Variants in BTRC observed in about 807,000 individuals in gnomAD.
BTRC encodes the protein F-box/WD repeat-containing protein 1A.
Under a neutral mutation model 85.5 loss-of-function variants are expected in BTRC, and 42 were observed. The ratio of observed to expected loss-of-function variants is 0.49; its 90% CI spans 0.38 to 0.64. BTRC has a LOEUF of 0.64. BTRC is among the 30% of genes least tolerant of loss of function. The pLI, the probability that BTRC is intolerant of heterozygous loss-of-function variation, is 0.00. For missense variants in BTRC, 594 were observed against 743.5 expected, an observed-to-expected ratio of 0.80 and a Z score of 2.34; for synonymous variants, 255 against 263.3, an observed-to-expected ratio of 0.97 and a Z score of 0.30.
At chr10:101,463,135 T>C (rs889051955) in intron 3 of BTRC, among the ~76,000 whole-genome samples, 3 of 151,512 alleles carry the variant, frequency 2.0e-5, no homozygotes, top group African/African-American at 7.3e-5. Context: ...AACCTCCACC[T>C]CCAGGGTTCA....
At chr10:101,374,790 A>T (rs76824364) in intron 1 of BTRC, among the ~76,000 whole-genome samples, 10,844 of 133,074 alleles carry the variant, frequency 0.081, 413 homozygotes, top group African/African-American at 0.092. Flanking sequence ...AATAAATAAA[A>T]AAAAAAAAAA....
At chr10:101,386,555 T>G (rs1456643455) in intron 1 of BTRC, among the ~76,000 whole-genome samples, 1 of 152,230 alleles carries the variant, frequency 6.6e-6, no homozygotes, top group Non-Finnish European at 1.5e-5. Context: ...TCTTATGTTA[T>G]CCCACATGCT....
chr10:101,527,117 A>G (rs1161903117), intron 6 of BTRC, among the ~76,000 whole-genome samples: 1 of 152,258 alleles, frequency 6.6e-6, no homozygotes, highest in Non-Finnish European at 1.5e-5. Flanking sequence ...AGAAAAAATT[A>G]TAATAGGCAT....
At chr10:101,434,967 A>G (rs1396399572) in intron 2 of BTRC, among the ~76,000 whole-genome samples, 1 of 152,028 alleles carries the variant, frequency 6.6e-6, no homozygotes. Flanking sequence ...TTATGTAGCA[A>G]AAATGGGCTT....
chr10:101,545,963 A>G (rs2062551832), intron 13 of BTRC, among the ~76,000 whole-genome samples: 1 of 152,244 alleles, frequency 6.6e-6, no homozygotes, highest in South Asian at 2.1e-4. Flanking sequence ...CAGAGCATCA[A>G]AACATATGAG....
Position 101,505,655 on chromosome 10 carries a change from C to A in BTRC, c.325-15984C>A, listed in dbSNP as rs915260413. 1.9e-3 allele frequency among the ~76,000 whole-genome samples: 283 copies of A among 150,616 alleles called. 2 individuals carry two copies. Among genetic ancestry groups the A allele is most frequent in the African/African-American group, 6.0e-3 (247 of 41,128 alleles). Reference sequence around the variant, plus strand: ...AAAAAAAAAAATAATAATAAAAAAACAAATATACCCACCAAAATGTGAACA... The same window carrying A: ...AAAAAAAAAAATAATAATAAAAAAAAAAATATACCCACCAAAATGTGAACA... On this transcript the variant is annotated intron_variant, in intron 4 of 14. Transcript: ENST00000370187.
chr10:101,398,957 G>GT (rs1003612592), intron 1 of BTRC, among the ~76,000 whole-genome samples: 2 of 151,472 alleles, frequency 1.3e-5, no homozygotes, highest in African/African-American at 2.4e-5. Context: ...AACCTTTTTT[G>GT]TTTTTTTTCT....
chr10:101,413,714 A>G (rs1158199406), intron 1 of BTRC, among the ~76,000 whole-genome samples: 3 of 152,244 alleles, frequency 2.0e-5, no homozygotes, highest in Non-Finnish European at 4.4e-5. Flanking sequence ...GAGATATTTC[A>G]CAAAATTGAA....
At chr10:101,550,050 A>G (rs1241998004) in intron 13 of BTRC, among the ~76,000 whole-genome samples, 1 of 152,178 alleles carries the variant, frequency 6.6e-6, no homozygotes, top group Non-Finnish European at 1.5e-5. Flanking sequence ...ATTGCTCACC[A>G]ATCCTTGACC....
intron 2 of BTRC, among the ~76,000 whole-genome samples, chr10:101,460,482 G>A (rs1441167559): frequency 6.6e-6 from 1 of 152,068 alleles, no homozygotes; most frequent in Non-Finnish European, 1.5e-5. Context: ...TTGTAATATA[G>A]CATGCTTTTT....
At chr10:101,529,555 A>G (rs75919232) in intron 6 of BTRC, among the ~76,000 whole-genome samples, 10,145 of 152,288 alleles carry the variant, frequency 0.067, 353 homozygotes, top group Non-Finnish European at 0.074. Context: ...TATTGTACAG[A>G]GAAATGTACC....
intron 1 of BTRC, among the ~76,000 whole-genome samples, chr10:101,404,028 A>ATT (rs1176999196): frequency 0.013 from 391 of 31,072 alleles, 6 homozygotes; most frequent in Non-Finnish European, 0.014. Context: ...ATATATATAT[A>ATT]TATTTTTTTT....
intron 1 of BTRC, among the ~76,000 whole-genome samples, chr10:101,399,302 GAACTAT>G (rs895149000): frequency 3.1e-4 from 46 of 146,336 alleles, no homozygotes; most frequent in Non-Finnish European, 6.4e-4. Flanking sequence ...GGAGAAGGGA[GAACTAT>G]AACTAGAATC....
At chr10:101,380,718 A>G (rs914207929) in intron 1 of BTRC, among the ~76,000 whole-genome samples, 22 of 152,214 alleles carry the variant, frequency 1.4e-4, no homozygotes, top group Admixed American at 1.4e-3. Flanking sequence ...CATAGTGGAA[A>G]TTACACAAGA....
In BTRC at chr10:101,554,288, C is replaced by G. The variant is rs1395220611; in HGVS notation, c.*1165C>G. On this transcript the variant is annotated 3_prime_UTR_variant, in exon 15 of 15. Transcript: ENST00000370187. The stretch of plus-strand genomic sequence containing the variant: ...GCCAGAGCCAATCGCTTGGTGCATT[C>G]TGCGTAATGGTTTCCATCTCCGATT... 6.6e-6 allele frequency: 1 copy of G among 152,236 alleles called. No homozygotes were observed. The highest frequency in any genetic ancestry group is 2.4e-5 in the African/African-American group (1 of 41,450). The allele number at this position is 152,236 out of a possible 1,614,324, so 9.4% of individuals were successfully genotyped here.
intron 1 of BTRC, among the ~76,000 whole-genome samples, chr10:101,415,518 T>TG (rs1564758264): frequency 4.0e-4 from 3 of 7,528 alleles, no homozygotes; most frequent in Non-Finnish European, 1.7e-3. Context: ...TATGTTATGT[T>TG]ATGTTATGTT....
At chr10:101,540,754 T>TCCAAAGTGCTTGGATTATAGG in intron 13 of BTRC, among the ~76,000 whole-genome samples, 1 of 152,208 alleles carries the variant, frequency 6.6e-6, no homozygotes, top group East Asian at 1.9e-4. Context: ...ACCTCAGACA[T>TCCAAAGTGCTTGGATTATAGG]CCAAAGTGCT....
intron 1 of BTRC, among the ~76,000 whole-genome samples, chr10:101,429,047 T>A (rs566809559): frequency 3.9e-5 from 6 of 152,334 alleles, no homozygotes; most frequent in African/African-American, 1.4e-4. Flanking sequence ...TACAACTATA[T>A]TGTTTTAAGG....
chr10:101,447,031 A>G (rs761284278), intron 2 of BTRC, among the ~76,000 whole-genome samples: 4 of 152,138 alleles, frequency 2.6e-5, no homozygotes, highest in Non-Finnish European at 4.4e-5. Context: ...CAATAGAAGC[A>G]TGCAGCTAGT....
Sources: allele counts gnomAD v4.1 joint callset (sites outside exome capture counted in the v4.1 genomes callset), GRCh38; gene constraint gnomAD v4.1.1; transcripts MANE v1.5; gene names NCBI Gene and HGNC (gene_info 2026-07-23, HGNC 2026-07-21).